The following PTPRR variants were observed in gnomAD, a reference collection of about 807,000 sequenced individuals.
PTPRR encodes the protein protein tyrosine phosphatase receptor type R.
Under a neutral mutation model 77.2 loss-of-function variants are expected in PTPRR, and 38 were observed. The observed-to-expected ratio is 0.49, with a 90% CI of 0.38 to 0.65. The LOEUF is 0.65. Among genes scored for constraint, PTPRR ranks in the 30% least tolerant of loss-of-function variants. PTPRR has a pLI of 0.00. For synonymous variants in PTPRR, 299 were observed against 283.1 expected (o/e 1.06, Z -0.57); for missense variants, 744 against 799.2 (o/e 0.93, Z 0.83).
chr12:70,660,180 A>ATAAG (rs1886745148), intron 12 of PTPRR, among the ~76,000 whole-genome samples: 1 of 133,708 alleles, frequency 7.5e-6, no homozygotes, highest in Admixed American at 7.4e-5. Flanking sequence ...CTGTCTCATA[A>ATAAG]TAAATAAATA....
At chr12:70,759,466 T>C (rs1488781835) in intron 4 of PTPRR, among the ~76,000 whole-genome samples, 4 of 151,858 alleles carry the variant, frequency 2.6e-5, no homozygotes, top group African/African-American at 9.7e-5. Context: ...TGCTACACAG[T>C]AGACTGATCT....
At chr12:70,847,316 T>C (rs1892502143) in intron 2 of PTPRR, among the ~76,000 whole-genome samples, 1 of 152,208 alleles carries the variant, frequency 6.6e-6, no homozygotes, top group Non-Finnish European at 1.5e-5. Context: ...TTATTATCGA[T>C]GCACAAAATT....
intron 2 of PTPRR, among the ~76,000 whole-genome samples, chr12:70,876,936 G>A (rs1190376565): frequency 6.6e-6 from 1 of 152,178 alleles, no homozygotes; most frequent in East Asian, 1.9e-4. Flanking sequence ...AAAGATGTTT[G>A]GGCTCTCAGG....
At chr12:70,698,199 T>G in intron 8 of PTPRR, 66 bp downstream of exon 8, 3 of 1,362,354 alleles carry the variant, frequency 2.2e-6, no homozygotes, top group Non-Finnish European at 3.1e-6. Flanking sequence ...CATTAGGTAT[T>G]TCTCCTAATG....
chr12:70,695,307 C>T (rs1033393704), intron 8 of PTPRR, among the ~76,000 whole-genome samples: 2 of 152,176 alleles, frequency 1.3e-5, no homozygotes, highest in African/African-American at 4.8e-5. Flanking sequence ...AAGTTTATCT[C>T]ATATTACAGT....
chr12:70,904,363 T>G (rs1401304013), intron 1 of PTPRR, among the ~76,000 whole-genome samples: 1 of 151,854 alleles, frequency 6.6e-6, no homozygotes, highest in African/African-American at 2.4e-5. Flanking sequence ...AACAATGTAA[T>G]ACCACTCATC....
chr12:70,811,461 T>C (rs1891807611), intron 2 of PTPRR, among the ~76,000 whole-genome samples: 1 of 152,098 alleles, frequency 6.6e-6, no homozygotes, highest in Admixed American at 6.6e-5. Context: ...CTGCAAAAGG[T>C]TCAAAAGCAA....
intron 4 of PTPRR, chr12:70,754,827 A>T: frequency 8.1e-7 from 1 of 1,240,330 alleles, no homozygotes; most frequent in Admixed American, 2.7e-5. Context: ...TTTTTTTTCA[A>T]ATAGAGTCTC....
chr12:70,761,651 T>C, intron 3 of PTPRR, 25 bp from the exon 4 acceptor site: 4 of 1,522,896 alleles, frequency 2.6e-6, no homozygotes, highest in Non-Finnish European at 3.5e-6. Context: ...ATATTTGTAT[T>C]TGTTATAGAC....
intron 13 of PTPRR, among the ~76,000 whole-genome samples, chr12:70,650,275 T>C (rs953964019): frequency 6.6e-6 from 1 of 151,892 alleles, no homozygotes; most frequent in Non-Finnish European, 1.5e-5. Flanking sequence ...AAATCCTGCC[T>C]CTACTAAAAA....
At chr12:70,740,024 G>T (rs367820316) in intron 6 of PTPRR, among the ~76,000 whole-genome samples, 2 of 152,150 alleles carry the variant, frequency 1.3e-5, no homozygotes, top group African/African-American at 2.4e-5. Context: ...GCCTTATTCT[G>T]TAAGAAAATG....
chr12:70,698,436 T>C lies in PTPRR; in HGVS notation c.1195-87A>G, dbSNP rs17108622. On this transcript the variant is annotated intron_variant, in intron 7 of 13. Coordinates refer to ENST00000283228, the MANE Select transcript of PTPRR (RefSeq NM_002849.4). ...GGGGGGCATCTGATCCAGAGTTCTA[T>C]TGGACTTCAAAGCCACTTAAAAACA... The C allele has an allele frequency of 5.9e-3, 6,961 of 1,172,562 alleles. 284 individuals are homozygous for C. In the African/African-American group the frequency reaches 0.092, roughly 15 times the overall value. 72.6% of individuals were successfully genotyped at this position (1,172,562 alleles called of 1,614,324 possible).
chr12:70,843,115 T>C (rs1439618023), intron 2 of PTPRR, among the ~76,000 whole-genome samples: 4 of 152,208 alleles, frequency 2.6e-5, no homozygotes, highest in African/African-American at 7.2e-5. Context: ...TTGTCTGTCT[T>C]TGTATAATTG....
intron 2 of PTPRR, among the ~76,000 whole-genome samples, chr12:70,845,683 A>G (rs1398102800): frequency 6.6e-6 from 1 of 152,190 alleles, no homozygotes; most frequent in Non-Finnish European, 1.5e-5. Flanking sequence ...AAAATGCCTA[A>G]GAAAGGAGAA....
intron 2 of PTPRR, among the ~76,000 whole-genome samples, chr12:70,881,588 A>G (rs1000437132): frequency 6.6e-6 from 1 of 152,258 alleles, no homozygotes; most frequent in Non-Finnish European, 1.5e-5. Context: ...ATGGAAAGAT[A>G]TCTAAAGTTG....
rs143973710 is a variant in PTPRR, at chr12:70,745,986, A to G, written c.839T>C (p.Leu280Pro). The G allele has an allele frequency of 1.5e-4, 235 of 1,614,114 alleles. 2 individuals carry two copies. In the East Asian group the frequency reaches 5.1e-3, roughly 35 times the overall value. Residue 280 changes from leucine (L) to proline (P), a missense_variant, in exon 6 of 14, where the codon CTG becomes CCG. Around this residue, in one of 3 missense-constraint regions of PTPRR, gnomAD observed 570 missense variants for 573.2 expected, o/e 0.99. Transcript: ENST00000283228. ...GCTGTGGACTGTCTTTGCCTCGGAC[A>G]GTGCTGGCTGTAATGTGATGGGCGA... The part of the protein sequence containing the change: ...HLSPITLQPA[L>P]SEAKTVHSMV...
At chr12:70,860,093 A>G (rs1175465841) in intron 2 of PTPRR, among the ~76,000 whole-genome samples, 1 of 151,980 alleles carries the variant, frequency 6.6e-6, no homozygotes, top group Non-Finnish European at 1.5e-5. Context: ...CAAAATCCAC[A>G]CTGGGATACT....
intron 1 of PTPRR, among the ~76,000 whole-genome samples, chr12:70,905,044 T>C (rs1288089057): frequency 6.6e-6 from 1 of 151,012 alleles, no homozygotes; most frequent in African/African-American, 2.4e-5. Flanking sequence ...CATAAGAGAA[T>C]GCAGCTGGAA....
chr12:70,920,120 T>A (rs1469918634), intron 1 of PTPRR, among the ~76,000 whole-genome samples: 2 of 152,076 alleles, frequency 1.3e-5, no homozygotes, highest in African/African-American at 4.8e-5. Flanking sequence ...TCGTATAAAG[T>A]AAAGAAAAAT....
Sources: allele counts gnomAD v4.1 joint callset (sites outside exome capture counted in the v4.1 genomes callset), GRCh38; gene constraint gnomAD v4.1.1; regional missense constraint gnomAD v4.1.1; transcripts MANE v1.5; gene names NCBI Gene and HGNC (gene_info 2026-07-23, HGNC 2026-07-21).